SLC35H1: variants seen among roughly 807,000 people sequenced by gnomAD.
SLC35H1 encodes the protein ovarian cancer-overexpressed gene 1 protein.
the SLC35H1 span, chr20:46,352,041 G>C: frequency 1.9e-6 from 3 of 1,613,578 alleles, no homozygotes; most frequent in Admixed American, 1.7e-5. Flanking sequence ...CATCACGCCC[G>C]AGTCTGTACC....
At chr20:46,355,923 C>G in the SLC35H1 span, 1 of 1,609,506 alleles carries the variant, frequency 6.2e-7, no homozygotes, top group South Asian at 1.1e-5. This position sits in a 1 kb window ranked among gnomAD's most constrained non-coding sequence, Gnocchi z 4.8. Context: ...AGGGCTCAGA[C>G]CCATCACCGA....
At chr20:46,351,068 G>A in the SLC35H1 span, among the ~76,000 whole-genome samples, 1 of 152,218 alleles carries the variant, frequency 6.6e-6, no homozygotes, top group Non-Finnish European at 1.5e-5. Context: ...GCGCTGTCCC[G>A]CCAGCCTCCT....
the SLC35H1 span, chr20:46,355,931 C>T: frequency 2.1e-5 from 33 of 1,606,754 alleles, no homozygotes; most frequent in East Asian, 8.9e-5. The surrounding 1 kb of genome is among the most constrained non-coding windows in gnomAD (Gnocchi z 4.8). Flanking sequence ...GACCCATCAC[C>T]GAGAAAGGAG....
the SLC35H1 span, among the ~76,000 whole-genome samples, chr20:46,354,358 C>T: frequency 0.061 from 9,230 of 152,268 alleles, 352 homozygotes; most frequent in East Asian, 0.19. Flanking sequence ...CTCCAAACCA[C>T]GGCCTGGGAA....
At chr20:46,348,219 C>G in the SLC35H1 span, 1 of 152,210 alleles carries the variant, frequency 6.6e-6, no homozygotes, top group East Asian at 1.9e-4. Context: ...CTGGTAATTG[C>G]TGCTAAATGA....
chr20:46,356,617 C>A, the SLC35H1 span: 5 of 1,613,884 alleles, frequency 3.1e-6, no homozygotes, highest in South Asian at 1.1e-5. Flanking sequence ...GACAAGCCCA[C>A]GTCAAGCGCC....
chr20:46,347,695 T>C, the SLC35H1 span: 65 of 152,336 alleles, frequency 4.3e-4, no homozygotes, highest in African/African-American at 1.5e-3. Flanking sequence ...CAGAAACAGA[T>C]GGAGACAATC....
the SLC35H1 span, among the ~76,000 whole-genome samples, chr20:46,354,440 T>C: frequency 6.6e-6 from 1 of 152,116 alleles, no homozygotes; most frequent in Non-Finnish European, 1.5e-5. Flanking sequence ...AGAGGCAAGA[T>C]AGGGTGGTTA....
At chr20:46,362,130 C>G in the SLC35H1 span, among the ~76,000 whole-genome samples, 1,653 of 152,286 alleles carry the variant, frequency 0.011, 9 homozygotes, top group Middle Eastern at 0.02. Flanking sequence ...AGCCAAATCT[C>G]AGCTAGAAGG....
At chr20:46,350,505 G>C in the SLC35H1 span, 2 of 1,602,700 alleles carry the variant, frequency 1.2e-6, no homozygotes, top group Non-Finnish European at 1.7e-6. Context: ...GCCCCTTCAA[G>C]GCCTTGGGGC....
chr20:46,358,584 C>T, the SLC35H1 span: 39 of 1,607,808 alleles, frequency 2.4e-5, no homozygotes, highest in South Asian at 2.7e-4. Context: ...CAGGAAGAGC[C>T]GGTGGAGTTA....
At chr20:46,358,424 G>A in the SLC35H1 span, 2 of 1,614,210 alleles carry the variant, frequency 1.2e-6, no homozygotes, top group Non-Finnish European at 1.7e-6. Flanking sequence ...GATGCCGATG[G>A]AGAAGCAGTA....
At chr20:46,362,281 C>T in the SLC35H1 span, among the ~76,000 whole-genome samples, 4 of 152,164 alleles carry the variant, frequency 2.6e-5, no homozygotes, top group Non-Finnish European at 5.9e-5. Context: ...GTAAACAACT[C>T]TTTTTGAAAT....
chr20:46,359,003 C>T, the SLC35H1 span: 2 of 527,334 alleles, frequency 3.8e-6, no homozygotes, highest in Non-Finnish European at 6.9e-6. Flanking sequence ...GCTTAAAACC[C>T]TTCAGCAGCT....
chr20:46,355,610 A>G, the SLC35H1 span, among the ~76,000 whole-genome samples: 1 of 151,956 alleles, frequency 6.6e-6, no homozygotes. This position sits in a 1 kb window ranked among gnomAD's most constrained non-coding sequence, Gnocchi z 4.8. Context: ...TTTGGTCATT[A>G]CCCTGCCACA....
the SLC35H1 span, among the ~76,000 whole-genome samples, chr20:46,354,728 C>T: frequency 2.0e-5 from 3 of 152,274 alleles, no homozygotes; most frequent in South Asian, 2.1e-4. Flanking sequence ...TTCTCTGTAG[C>T]GTTTATCATG....
chr20:46,355,582 T>C, the SLC35H1 span, among the ~76,000 whole-genome samples: 2 of 152,072 alleles, frequency 1.3e-5, no homozygotes, highest in African/African-American at 4.8e-5. The surrounding 1 kb of genome is among the most constrained non-coding windows in gnomAD (Gnocchi z 4.8). Context: ...GGGACCCTCA[T>C]CCTGCAGTGC....
chr20:46,355,053 G>T, the SLC35H1 span: 4 of 1,613,956 alleles, frequency 2.5e-6, no homozygotes, highest in Middle Eastern at 1.6e-4. This position sits in a 1 kb window ranked among gnomAD's most constrained non-coding sequence, Gnocchi z 4.8. Flanking sequence ...CTCTCTGGAG[G>T]ATGAGTGGCA....
the SLC35H1 span, chr20:46,357,807 G>A: frequency 3.7e-6 from 6 of 1,609,304 alleles, no homozygotes; most frequent in Non-Finnish European, 2.6e-6. Context: ...CCCCGGCTTG[G>A]TTTAGACAGC....
Sources: gnomAD v4.1 joint callset for allele counts (sites outside exome capture counted in the v4.1 genomes callset) on GRCh38, gnomAD v4.1.1 for gene constraint, Gnocchi (gnomAD v3.1) non-coding constraint, MANE v1.5 for transcripts, NCBI Gene and HGNC (gene_info 2026-07-23, HGNC 2026-07-21) for gene names.